SLC25A4: variants seen among roughly 807,000 people sequenced by gnomAD.
The protein encoded by SLC25A4 is solute carrier family 25 member 4.
In SLC25A4, 10 loss-of-function variants were observed where a neutral mutation model predicts 24.7. The observed-to-expected ratio is 0.41, with a 90% CI of 0.25 to 0.69. SLC25A4 has a LOEUF of 0.69. Ranked by LOEUF, SLC25A4 falls within the 30% of genes least tolerant of loss-of-function variation. The pLI is 0.35. For synonymous variants in SLC25A4, 125 were observed against 153.3 expected, an observed-to-expected ratio of 0.82 and a Z score of 1.36; for missense variants, 273 against 387.6, an observed-to-expected ratio of 0.70 and a Z score of 2.48.
chr4:185,143,453 C>T lies in SLC25A4; in HGVS notation c.81C>T (p.Ala27=). 2.0e-6 allele frequency: 3 copies of T among 1,503,534 alleles called. No homozygotes were observed. Among genetic ancestry groups the T allele is most frequent in the Non-Finnish European group, 1.8e-6 (2 of 1,122,170 alleles). 93.1% of individuals were successfully genotyped at this position (1,503,534 alleles called of 1,614,324 possible). A position where few individuals can be genotyped will look rare whatever the true frequency, so the allele number is the denominator to read the frequency against. ...CTGCCGTCTCCAAGACCGCGGTCGC[C>T]CCCATCGAGAGGGTCAAACTGCTGC... ...VAAAVSKTAV[A]PIERVKLLLQ... is the part of the protein sequence containing the mutation. The change falls in exon 1 of 4, where the codon GCC becomes GCT. Residue 27 remains alanine, a synonymous_variant. Coordinates refer to ENST00000281456, the MANE Select transcript of SLC25A4 (RefSeq NM_001151.4).
Position 185,145,822 on chromosome 4 carries a change from C to A in SLC25A4, c.662C>A (p.Thr221Lys). 6.2e-7 allele frequency: 1 copy of A among 1,614,150 alleles called. No individual in the cohort carries two copies. The highest frequency in any genetic ancestry group is 8.5e-7 in the Non-Finnish European group (1 of 1,180,028). The change falls in exon 3 of 4, where the codon ACG (threonine) becomes AAG (lysine). Residue 221 changes from threonine (T) to lysine (K), a missense_variant. By Grantham distance (78) the Thr-to-Lys change is moderately conservative. Transcript: ENST00000281456. This position sits in a 1 kb window ranked among gnomAD's most constrained non-coding sequence, Gnocchi z 5.5. ...FVSWMIAQSV[T>K]AVAGLVSYPF... The stretch of plus-strand genomic sequence containing the variant: ...AGCTGGATGATTGCCCAGAGTGTGA[C>A]GGCAGTCGCAGGGCTGGTGTCCTAC...
rs1734376874 is a variant in SLC25A4, at chr4:185,143,302, G to A, written c.-71G>A. The A allele has an allele frequency of 5.7e-6, 5 of 884,080 alleles. No individual in the cohort carries two copies. Among genetic ancestry groups the A allele is most frequent in the Non-Finnish European group, 8.9e-6 (5 of 564,124 alleles). 54.8% of individuals were successfully genotyped at this position (884,080 alleles called of 1,614,324 possible). On this transcript the variant is annotated 5_prime_UTR_variant, in exon 1 of 4. Coordinates refer to ENST00000281456, the MANE Select transcript of SLC25A4 (RefSeq NM_001151.4). Reference sequence around the variant, plus strand: ...GTCGCGCAGGGTCGGGGACTGCGCGGCGGTGCCAGGCCGGGCGTGGGCGAG... The same window carrying A: ...GTCGCGCAGGGTCGGGGACTGCGCGACGGTGCCAGGCCGGGCGTGGGCGAG...
At chr4:185,144,166 GA>G (rs1314402477) in intron 1 of SLC25A4, among the ~76,000 whole-genome samples, 7 of 152,188 alleles carry the variant, frequency 4.6e-5, no homozygotes, top group African/African-American at 1.7e-4. Context: ...TTGGGAGTCA[GA>G]ATTACTAACA....
chr4:185,147,273 G>A lies in SLC25A4; in HGVS notation c.*302G>A, dbSNP rs112983771. ...CATCAATAAAGACCACTTAATGCAC[G>A]CTTTCTATTTTATTGAACTCTTATT... On this transcript the variant is annotated 3_prime_UTR_variant, in exon 4 of 4. Coordinates refer to ENST00000281456, the MANE Select transcript of SLC25A4 (RefSeq NM_001151.4). 4 of 302,524 alleles carry A rather than the reference G, an allele frequency of 1.3e-5. No homozygotes were observed. The highest frequency in any genetic ancestry group is 4.7e-5 in the Admixed American group (1 of 21,258). 18.7% of individuals were successfully genotyped at this position (302,524 alleles called of 1,614,324 possible). A position where few individuals can be genotyped will look rare whatever the true frequency, so the allele number is the denominator to read the frequency against.
chr4:185,145,746 G>T lies in SLC25A4; in HGVS notation c.599-13G>T, dbSNP rs370906250. ...CACTTCATAGCCGTTCGGCTTCTGGGCTCTGTCCACAGGGATGCTGCCTGA... is the reference window on the plus strand; with the variant it reads ...CACTTCATAGCCGTTCGGCTTCTGGTCTCTGTCCACAGGGATGCTGCCTGA... On this transcript the variant is annotated splice_polypyrimidine_tract_variant and intron_variant, in intron 2 of 3. Coordinates refer to ENST00000281456, the MANE Select transcript of SLC25A4 (RefSeq NM_001151.4). The surrounding 1 kb of genome is among the most constrained non-coding windows in gnomAD (Gnocchi z 5.5). The T allele has an allele frequency of 3.7e-6, 6 of 1,614,072 alleles. No individual in the cohort carries two copies. The highest frequency in any genetic ancestry group is 1.7e-5 in the Admixed American group (1 of 60,008).
chr4:185,143,345 T>G lies in SLC25A4; in HGVS notation c.-28T>G, dbSNP rs1360034095. ...TGGGCGAGAGCACGAACGGGCTGCC[T>G]GCGGGCTGAGAGCGTCGAGCTGTCA... is the stretch of plus-strand genomic sequence containing the variant. On this transcript the variant is annotated 5_prime_UTR_variant, in exon 1 of 4. Coordinates refer to ENST00000281456, the MANE Select transcript of SLC25A4 (RefSeq NM_001151.4). 1 of 1,384,662 alleles carries G rather than the reference T, an allele frequency of 7.2e-7. No homozygotes were observed. The highest frequency in any genetic ancestry group is 9.9e-7 in the Non-Finnish European group (1 of 1,006,504). The allele number at this position is 1,384,662 out of a possible 1,614,324, so 85.8% of individuals were successfully genotyped here.
At position 185,144,664 on chromosome 4, in the gene SLC25A4, A is replaced by C. The variant is rs111947439; in HGVS notation, c.112-100A>C. ...TGATTTCCTCATCCTTTTTTTCTTC[A>C]AAAAAAAAATCTAGGAAGTGCAAAC... is the stretch of plus-strand genomic sequence containing the variant. On this transcript the variant is annotated intron_variant, in intron 1 of 3. Transcript: ENST00000281456. 21,849 of 909,350 alleles carry C rather than the reference A, an allele frequency of 0.024. 248 individuals carry two copies. Among genetic ancestry groups the C allele is most frequent in the Middle Eastern group, 0.031 (87 of 2,846 alleles). The allele number at this position is 909,350 out of a possible 1,614,324, so 56.3% of individuals were successfully genotyped here. A position where few individuals can be genotyped will look rare whatever the true frequency, so the allele number is the denominator to read the frequency against.
rs1442157838 is a variant in SLC25A4, at chr4:185,149,009, A to G, written c.*2038A>G. ...TCTGAGTTTTATAAAATCCAGGATC[A>G]CATCTGACCTCACCTGGTAGATATC... On this transcript the variant is annotated 3_prime_UTR_variant, in exon 4 of 4. Coordinates refer to ENST00000281456, the MANE Select transcript of SLC25A4 (RefSeq NM_001151.4). The G allele has an allele frequency of 6.6e-6, 1 of 152,184 alleles. No homozygotes were observed. Among genetic ancestry groups the G allele is most frequent in the African/African-American group, 2.4e-5 (1 of 41,450 alleles). The allele number at this position is 152,184 out of a possible 1,614,324, so 9.4% of individuals were successfully genotyped here. A position where few individuals can be genotyped will look rare whatever the true frequency, so the allele number is the denominator to read the frequency against.
chr4:185,144,523 G>A (rs1734402386), intron 1 of SLC25A4, among the ~76,000 whole-genome samples: 1 of 151,958 alleles, frequency 6.6e-6, no homozygotes, highest in Non-Finnish European at 1.5e-5. Flanking sequence ...TTTATTTGGG[G>A]CAATACCTTT....
chr4:185,146,275 TG>T (rs1734442039), intron 3 of SLC25A4, among the ~76,000 whole-genome samples: 1 of 152,018 alleles, frequency 6.6e-6, no homozygotes, highest in South Asian at 2.1e-4. Context: ...GTTAGTGGGA[TG>T]GGGTGTTTAG....
chr4:185,150,066 T>C lies in SLC25A4; in HGVS notation c.*3095T>C, dbSNP rs1579212512. 1 of 152,266 alleles carries C rather than the reference T, an allele frequency of 6.6e-6. No individual in the cohort carries two copies. The highest frequency in any genetic ancestry group is 2.1e-4 in the South Asian group (1 of 4,836). The allele number at this position is 152,266 out of a possible 1,614,324, so 9.4% of individuals were successfully genotyped here. A position where few individuals can be genotyped will look rare whatever the true frequency, so the allele number is the denominator to read the frequency against. ...CGGCATTTACTAAACACCCCCAAGGTGCAAGGCTGCAAGAGAATCGAGCGC... is the reference window on the plus strand; with the variant it reads ...CGGCATTTACTAAACACCCCCAAGGCGCAAGGCTGCAAGAGAATCGAGCGC... On this transcript the variant is annotated 3_prime_UTR_variant, in exon 4 of 4. Transcript: ENST00000281456.
rs1279139103 is a variant in SLC25A4, at chr4:185,149,858, T to C, written c.*2887T>C. On this transcript the variant is annotated 3_prime_UTR_variant, in exon 4 of 4. Transcript: ENST00000281456. ...CATCTTTTTAAGACCTTATTTTGTA[T>C]TTTAAATGTATGAGAAAAATTATGG... The C allele has an allele frequency of 1.3e-5, 2 of 152,262 alleles. No homozygotes were observed. The highest frequency in any genetic ancestry group is 4.8e-5 in the African/African-American group (2 of 41,456). The allele number at this position is 152,262 out of a possible 1,614,324, so 9.4% of individuals were successfully genotyped here.
chr4:185,150,331 A>G lies in SLC25A4; in HGVS notation c.*3360A>G, dbSNP rs1388607922. 1 of 152,212 alleles carries G rather than the reference A, an allele frequency of 6.6e-6. No homozygotes were observed. Among genetic ancestry groups the G allele is most frequent in the Non-Finnish European group, 1.5e-5 (1 of 68,028 alleles). The allele number at this position is 152,212 out of a possible 1,614,324, so 9.4% of individuals were successfully genotyped here. A position where few individuals can be genotyped will look rare whatever the true frequency, so the allele number is the denominator to read the frequency against. On this transcript the variant is annotated 3_prime_UTR_variant, in exon 4 of 4. Coordinates refer to ENST00000281456, the MANE Select transcript of SLC25A4 (RefSeq NM_001151.4). ...CGTATAATGCAATGAATAAAAACTT[A>G]CGGCTGCCTTAAATGCAAATGTCAA... is the stretch of plus-strand genomic sequence containing the variant.
Position 185,148,566 on chromosome 4 carries a change from G to A in SLC25A4, c.*1595G>A. On this transcript the variant is annotated 3_prime_UTR_variant, in exon 4 of 4. Coordinates refer to ENST00000281456, the MANE Select transcript of SLC25A4 (RefSeq NM_001151.4). ...GGGAGTGGTAGGAGATGGAGGCTTT[G>A]AAAGAAAATAACCAGATTTAGAAAC... The A allele has an allele frequency of 6.6e-6, 1 of 152,140 alleles. No homozygotes were observed. Among genetic ancestry groups the A allele is most frequent in the East Asian group, 1.9e-4 (1 of 5,186 alleles). 9.4% of individuals were successfully genotyped at this position (152,140 alleles called of 1,614,324 possible). A position where few individuals can be genotyped will look rare whatever the true frequency, so the allele number is the denominator to read the frequency against.
At position 185,146,816 on chromosome 4, in the gene SLC25A4, G is replaced by A. The variant is rs755597294; in HGVS notation, c.742G>A (p.Asp248Asn). 5.6e-6 allele frequency: 9 copies of A among 1,614,178 alleles called. No homozygotes were observed. The highest frequency in any genetic ancestry group is 4.4e-5 in the South Asian group (4 of 91,070). The change falls in exon 4 of 4, where the codon GAT becomes AAT. Residue 248 changes from aspartate to asparagine, a missense_variant and splice_region_variant. Transcript: ENST00000281456. ...CTCACCAGCATTTGTTTCCACAGCC[G>A]ATATTATGTACACGGGGACAGTTGA... The part of the protein sequence containing the change: ...MMMQSGRKGA[D>N]IMYTGTVDCW...
At chr4:185,143,881 C>T (rs1734390633) in intron 1 of SLC25A4, among the ~76,000 whole-genome samples, 1 of 152,206 alleles carries the variant, frequency 6.6e-6, no homozygotes, top group Non-Finnish European at 1.5e-5. Flanking sequence ...AAATAATCAT[C>T]ACCCAAGAAT....
chr4:185,147,195 ATTT>A lies in SLC25A4; in HGVS notation c.*225_*227del. 1.9e-6 allele frequency: 1 copy of A among 515,308 alleles called. No individual in the cohort carries two copies. The highest frequency in any genetic ancestry group is 3.5e-6 in the Non-Finnish European group (1 of 288,838). The allele number at this position is 515,308 out of a possible 1,614,324, so 31.9% of individuals were successfully genotyped here. A position where few individuals can be genotyped will look rare whatever the true frequency, so the allele number is the denominator to read the frequency against. On this transcript the variant is annotated 3_prime_UTR_variant, in exon 4 of 4. Coordinates refer to ENST00000281456, the MANE Select transcript of SLC25A4 (RefSeq NM_001151.4). ...AAATTCCCACAGCAAATAGAAAATA[ATTT>A]ATCATACTTGTACAATTAACTGAAG...
chr4:185,145,886 C>T lies in SLC25A4; in HGVS notation c.726C>T (p.Ser242=), dbSNP rs760995481. Residue 242 remains serine (S), a synonymous_variant, in exon 3 of 4, where the codon TCC becomes TCT. Transcript: ENST00000281456. The surrounding 1 kb of genome is among the most constrained non-coding windows in gnomAD (Gnocchi z 5.5). ...TTCGTCGTAGAATGATGATGCAGTC[C>T]GGCCGGAAAGGGGGTAAGCTTGTGC... The part of the protein sequence containing the change: ...DTVRRRMMMQ[S]GRKGADIMYT... 38 of 1,614,034 alleles carry T rather than the reference C, an allele frequency of 2.4e-5. No individual in the cohort carries two copies. The South Asian group carries it at 3.5e-4, about 15-fold the overall frequency.
rs1734478593 is a variant in SLC25A4 at position 185,148,244 on chromosome 4, A to C, written c.*1273A>C. 6.6e-6 allele frequency: 1 copy of C among 152,016 alleles called. No homozygotes were observed. Among genetic ancestry groups the C allele is most frequent in the African/African-American group, 2.4e-5 (1 of 41,368 alleles). 9.4% of individuals were successfully genotyped at this position (152,016 alleles called of 1,614,324 possible). ...TATAAGCTCACTAATCCCATTCATG[A>C]GGGCCCTACCCTCATGACCCAATTA... On this transcript the variant is annotated 3_prime_UTR_variant, in exon 4 of 4. Transcript: ENST00000281456.
Sources: gnomAD v4.1 joint callset for allele counts (sites outside exome capture counted in the v4.1 genomes callset) on GRCh38, gnomAD v4.1.1 for gene constraint, Gnocchi (gnomAD v3.1) non-coding constraint, MANE v1.5 for transcripts, NCBI Gene and HGNC (gene_info 2026-07-23, HGNC 2026-07-21) for gene names.